MGAT5: variants seen among roughly 807,000 people sequenced by gnomAD.
MGAT5 encodes alpha-1,6-mannosylglycoprotein 6-beta-N-acetylglucosaminyltransferase A.
MGAT5 carries 30 observed loss-of-function variants against 94.3 expected under a neutral mutation model. That is an observed-to-expected ratio of 0.32 (90% CI 0.24 to 0.43). The LOEUF (loss-of-function observed/expected upper bound fraction) is 0.43, where lower values mean the gene tolerates loss of function less well. Ranked by LOEUF, MGAT5 falls within the 20% of genes least tolerant of loss-of-function variation. MGAT5 has a pLI of 1.00. For synonymous variants in MGAT5, 310 were observed against 322.9 expected, an observed-to-expected ratio of 0.96 and a Z score of 0.43; for missense variants, 691 against 905.5, an observed-to-expected ratio of 0.76 and a Z score of 3.04.
chr2:134,262,400 G>A (rs1450049601), intron 1 of MGAT5, among the ~76,000 whole-genome samples: 2 of 152,054 alleles, frequency 1.3e-5, no homozygotes, highest in African/African-American at 4.8e-5. Flanking sequence ...ACCACACTAG[G>A]CTAATTTAAA....
chr2:134,403,659 A>G (rs950438131), intron 11 of MGAT5, among the ~76,000 whole-genome samples: 2 of 152,248 alleles, frequency 1.3e-5, no homozygotes, highest in African/African-American at 4.8e-5. Flanking sequence ...AAGAGATGAA[A>G]GATGGATGGA....
chr2:134,259,777 A>C (rs546519713), intron 1 of MGAT5, among the ~76,000 whole-genome samples: 1 of 152,306 alleles, frequency 6.6e-6, no homozygotes, highest in South Asian at 2.1e-4. Context: ...TGGCTGGAAT[A>C]TCCCCCACAT....
At chr2:134,152,036 C>CCTCA (rs1687224230) in intron 1 of MGAT5, among the ~76,000 whole-genome samples, 1 of 135,568 alleles carries the variant, frequency 7.4e-6, no homozygotes, top group Admixed American at 7.3e-5. Flanking sequence ...TGCCGTGGGA[C>CCTCA]CTCACTCATG....
In MGAT5 at chr2:134,141,083, GGTTA is replaced by G. The variant is rs547789164; in HGVS notation, c.-143+20797_-143+20800del. ...AGATAATGCTGTTATCCAGGGAATG[GGTTA>G]GTTATTGAGAGAGTTATCTAGGGTT... On this transcript the variant is annotated intron_variant, in intron 1 of 16. Coordinates refer to the MGAT5 transcript ENST00000409645. Among the ~76,000 whole-genome samples the G allele has an allele frequency of 3.3e-5, 5 of 152,216 alleles. No individual in the cohort carries two copies. The South Asian group carries it at 6.2e-4, about 19-fold the overall frequency.
chr2:134,189,602 GTTTTTTTTTTTTTT>G (rs912983981), intron 1 of MGAT5, among the ~76,000 whole-genome samples: 1 of 84,672 alleles, frequency 1.2e-5, no homozygotes, highest in Non-Finnish European at 2.3e-5. Context: ...GTTTTTTTTT[GTTTTTTTTTTTTTT>G]TTTTAAGACA....
chr2:134,226,139 TTG>T (rs1681050668), intron 1 of MGAT5, among the ~76,000 whole-genome samples: 1 of 152,234 alleles, frequency 6.6e-6, no homozygotes, highest in South Asian at 2.1e-4. Flanking sequence ...CCCTCTCTTT[TTG>T]TCTTTGAACT....
chr2:134,280,562 G>A (rs1027229836), intron 2 of MGAT5, among the ~76,000 whole-genome samples: 1 of 152,238 alleles, frequency 6.6e-6, no homozygotes, highest in Admixed American at 6.5e-5. Context: ...AACGTTTACT[G>A]TGGAAACTTT....
At chr2:134,338,508 A>T in intron 6 of MGAT5, 88 bp downstream of exon 6, 1 of 1,368,076 alleles carries the variant, frequency 7.3e-7, no homozygotes, top group East Asian at 2.4e-5. Flanking sequence ...GAGAAATGTC[A>T]TATCTCAAAT....
At chr2:134,256,401 G>A (rs1167380173) in intron 1 of MGAT5, among the ~76,000 whole-genome samples, 1 of 151,828 alleles carries the variant, frequency 6.6e-6, no homozygotes, top group African/African-American at 2.4e-5. Flanking sequence ...AAGGGAAAGA[G>A]TTACAGCTCA....
chr2:134,267,904 G>A (rs927671024), intron 1 of MGAT5, among the ~76,000 whole-genome samples: 1 of 152,226 alleles, frequency 6.6e-6, no homozygotes, highest in Non-Finnish European at 1.5e-5. Context: ...CTCTATCACA[G>A]TTCTCTCTCC....
chr2:134,165,373 T>G (rs980488074), intron 1 of MGAT5, among the ~76,000 whole-genome samples: 3 of 152,176 alleles, frequency 2.0e-5, no homozygotes, highest in African/African-American at 7.2e-5. Flanking sequence ...ATTGTGAGGT[T>G]GTTTCATGTT....
Position 134,447,621 on chromosome 2 carries a change from C to A in MGAT5, c.2028-1028C>A, listed in dbSNP as rs116243445. ...TCTGATATCAGATACAGCATGGGTT[C>A]CCACCTCGCATTCATGCAGGACACC... On this transcript the variant is annotated intron_variant, in intron 15 of 15. Transcript: ENST00000281923. 1.8e-3 allele frequency among the ~76,000 whole-genome samples: 279 copies of A among 152,290 alleles called. 2 individuals are homozygous for A. Among genetic ancestry groups the A allele is most frequent in the Non-Finnish European group, 2.6e-3 (177 of 68,020 alleles).
chr2:134,432,741 A>G (rs146128197), intron 14 of MGAT5, among the ~76,000 whole-genome samples: 97 of 152,284 alleles, frequency 6.4e-4, no homozygotes, highest in African/African-American at 2.3e-3. Flanking sequence ...TAACATCTCT[A>G]TGCTCTTTCC....
intron 1 of MGAT5, among the ~76,000 whole-genome samples, chr2:134,134,997 C>T (rs1686341062): frequency 6.6e-6 from 1 of 152,220 alleles, no homozygotes; most frequent in Admixed American, 6.5e-5. Flanking sequence ...AGAATTAGCA[C>T]ATCACCTGTA....
intron 1 of MGAT5, among the ~76,000 whole-genome samples, chr2:134,230,895 A>G (rs1196026756): frequency 1.3e-5 from 2 of 152,202 alleles, no homozygotes; most frequent in African/African-American, 4.8e-5. Context: ...TCATAATAGT[A>G]TCAATTGATG....
At chr2:134,405,841 G>A (rs1166819016) in intron 11 of MGAT5, among the ~76,000 whole-genome samples, 1 of 152,242 alleles carries the variant, frequency 6.6e-6, no homozygotes, top group Non-Finnish European at 1.5e-5. Flanking sequence ...GTCCAGGCAT[G>A]CCATTAGGGG....
chr2:134,164,312 A>G (rs1261193026), intron 1 of MGAT5, among the ~76,000 whole-genome samples: 1 of 152,232 alleles, frequency 6.6e-6, no homozygotes, highest in Non-Finnish European at 1.5e-5. Flanking sequence ...CAGTGAAGCA[A>G]TTCAGTGAGT....
intron 1 of MGAT5, among the ~76,000 whole-genome samples, chr2:134,165,551 G>A (rs1177984510): frequency 1.3e-5 from 2 of 152,106 alleles, no homozygotes; most frequent in East Asian, 3.9e-4. Context: ...TGAGGCAGGT[G>A]GATCATGAGG....
At chr2:134,429,805 C>T (rs1208777120) in intron 14 of MGAT5, among the ~76,000 whole-genome samples, 1 of 152,192 alleles carries the variant, frequency 6.6e-6, no homozygotes, top group Non-Finnish European at 1.5e-5. Flanking sequence ...CAACCACATC[C>T]ATACAGATTT....
Sources: gnomAD v4.1 joint callset for allele counts (sites outside exome capture counted in the v4.1 genomes callset) on GRCh38, gnomAD v4.1.1 for gene constraint, MANE v1.5 for transcripts, NCBI Gene and HGNC (gene_info 2026-07-23, HGNC 2026-07-21) for gene names.